The following RALGAPA2 variants were observed in gnomAD, a reference collection of about 807,000 sequenced individuals.
The protein encoded by RALGAPA2 is Ral GTPase activating protein catalytic subunit alpha 2, also known as ral GTPase-activating protein subunit alpha-2.
RALGAPA2 carries 139 observed loss-of-function variants against 230.4 expected under a neutral mutation model. That is an observed-to-expected ratio of 0.60 (90% CI 0.53 to 0.69). RALGAPA2 has a LOEUF of 0.69. RALGAPA2 is among the 30% of genes least tolerant of loss of function. The probability of loss-of-function intolerance (pLI) is 0.00; values close to 1 mark genes in which losing one functional copy is unlikely to be tolerated. For synonymous variants in RALGAPA2, 847 were observed against 837.8 expected, an observed-to-expected ratio of 1.01 and a Z score of -0.19; for missense variants, 2,163 against 2,276.0, an observed-to-expected ratio of 0.95 and a Z score of 1.01.
chr20:20,503,614 C>A (rs911370102), intron 34 of RALGAPA2, 108 bp from the exon 35 acceptor site: 4 of 910,928 alleles, frequency 4.4e-6, no homozygotes, highest in Non-Finnish European at 5.9e-6. Flanking sequence ...GTTTTTATAT[C>A]TTTCTTTCTG....
intron 16 of RALGAPA2, among the ~76,000 whole-genome samples, chr20:20,599,455 T>C (rs975332339): frequency 6.6e-6 from 1 of 152,212 alleles, no homozygotes; most frequent in African/African-American, 2.4e-5. Context: ...GTCAAATAAA[T>C]ATTGGAGGAA....
chr20:20,520,784 C>A, intron 31 of RALGAPA2, 133 bp downstream of exon 31: 1 of 641,422 alleles, frequency 1.6e-6, no homozygotes, highest in East Asian at 3.2e-5. Flanking sequence ...GCAGAATTTG[C>A]CATCACAGAG....
rs191290849 is a variant in RALGAPA2, at chr20:20,518,527, A to G, written c.4084+2390T>C. On this transcript the variant is annotated intron_variant, in intron 31 of 39. Transcript: ENST00000202677. ...CCGCTTGGCAAGGACGTGCACACCA[A>G]TATGTTTTTAAGCATCTTGCCTATT... Among the ~76,000 whole-genome samples, 649 of 152,276 alleles carry G rather than the reference A, an allele frequency of 4.3e-3. 5 individuals are homozygous for G. Among genetic ancestry groups the G allele is most frequent in the African/African-American group, 0.015 (622 of 41,548 alleles).
intron 1 of RALGAPA2, among the ~76,000 whole-genome samples, chr20:20,701,719 G>T (rs1030052577): frequency 6.6e-6 from 1 of 151,300 alleles, no homozygotes; most frequent in East Asian, 2.0e-4. Flanking sequence ...GACAGAGCAG[G>T]ACTTCATCTC....
At chr20:20,486,188 T>G (rs2061905251) in intron 36 of RALGAPA2, among the ~76,000 whole-genome samples, 2 of 151,960 alleles carry the variant, frequency 1.3e-5, no homozygotes, top group Admixed American at 6.6e-5. Context: ...ATTTCTTCCT[T>G]CTCTAAAGCT....
intron 31 of RALGAPA2, among the ~76,000 whole-genome samples, chr20:20,517,105 C>A (rs1466715675): frequency 6.6e-6 from 1 of 152,140 alleles, no homozygotes; most frequent in Non-Finnish European, 1.5e-5. Context: ...CATGAATGTA[C>A]CTACAGATAG....
At chr20:20,581,985 G>A (rs1352342776) in intron 20 of RALGAPA2, among the ~76,000 whole-genome samples, 1 of 152,070 alleles carries the variant, frequency 6.6e-6, no homozygotes, top group African/African-American at 2.4e-5. Flanking sequence ...ATCCATAAAA[G>A]TCTTGGCTCT....
chr20:20,488,048 C>CAA (rs1331486971), intron 36 of RALGAPA2, among the ~76,000 whole-genome samples: 1 of 152,124 alleles, frequency 6.6e-6, no homozygotes, highest in East Asian at 1.9e-4. Context: ...TGCCAAAATC[C>CAA]AAGCATACTT....
intron 31 of RALGAPA2, 147 bp from the exon 32 acceptor site, chr20:20,513,431 G>A (rs2062775641): frequency 3.6e-6 from 2 of 560,562 alleles, no homozygotes; most frequent in Non-Finnish European, 5.4e-6. Flanking sequence ...GAAATAGCAA[G>A]ATAGTGCAAA....
chr20:20,666,754 A>C (rs1319454473), intron 3 of RALGAPA2, among the ~76,000 whole-genome samples: 1 of 152,242 alleles, frequency 6.6e-6, no homozygotes, highest in Non-Finnish European at 1.5e-5. Context: ...AGGAATCGTT[A>C]CTTAATCCTG....
chr20:20,482,269 C>T (rs1046566549), intron 36 of RALGAPA2, among the ~76,000 whole-genome samples: 1 of 152,008 alleles, frequency 6.6e-6, no homozygotes, highest in African/African-American at 2.4e-5. Context: ...ATGAACAAGT[C>T]GAGGCTCTGA....
At chr20:20,458,776 A>ACC (rs2061210763) in intron 37 of RALGAPA2, among the ~76,000 whole-genome samples, 77 of 8,022 alleles carry the variant, frequency 9.6e-3, no homozygotes, top group African/African-American at 0.019. Context: ...ATATAGACCT[A>ACC]TATATATATA....
intron 37 of RALGAPA2, 74 bp downstream of exon 37, chr20:20,472,755 C>T: frequency 2.0e-6 from 3 of 1,515,686 alleles, no homozygotes; most frequent in Non-Finnish European, 2.7e-6. Context: ...TGAATACTTA[C>T]CTCTTATGAA....
chr20:20,395,786 G>A (rs2059702214), intron 39 of RALGAPA2, among the ~76,000 whole-genome samples: 1 of 152,186 alleles, frequency 6.6e-6, no homozygotes, highest in African/African-American at 2.4e-5. Context: ...GAGGGTGAAG[G>A]TTTGGATAAA....
intron 37 of RALGAPA2, 56 bp from the exon 38 acceptor site, chr20:20,412,204 G>A: frequency 6.2e-7 from 1 of 1,600,596 alleles, no homozygotes; most frequent in Non-Finnish European, 8.5e-7. Flanking sequence ...GCAGAGCAGT[G>A]ACAGAATTCA....
chr20:20,635,609 G>A lies in RALGAPA2; in HGVS notation c.814C>T (p.His272Tyr), dbSNP rs2066832450. Residue 272 changes from histidine to tyrosine, a missense_variant, in exon 9 of 40, where the codon CAT (histidine) becomes TAT (tyrosine). Transcript: ENST00000202677. ...NIYKPVLDIP[H>Y]LRPKPVYITT... ...ATGTACACAGGCTTTGGTCTCAAAT[G>A]GGGGATGTCTGGTAGAAGAAAGAAC... 2 of 1,542,106 alleles carry A rather than the reference G, an allele frequency of 1.3e-6. No individual in the cohort carries two copies. Among genetic ancestry groups the A allele is most frequent in the South Asian group, 1.3e-5 (1 of 79,488 alleles).
chr20:20,573,640 C>T (rs2064722589), intron 20 of RALGAPA2, among the ~76,000 whole-genome samples: 1 of 152,176 alleles, frequency 6.6e-6, no homozygotes, highest in Non-Finnish European at 1.5e-5. Flanking sequence ...GCAACTACTG[C>T]TTTGTTCTCT....
At chr20:20,569,766 G>T (rs1192976189) in intron 23 of RALGAPA2, among the ~76,000 whole-genome samples, 3 of 152,078 alleles carry the variant, frequency 2.0e-5, no homozygotes, top group African/African-American at 7.2e-5. Flanking sequence ...ACTCATTTAT[G>T]TGACTTTCTA....
chr20:20,637,346 G>T lies in RALGAPA2; in HGVS notation c.805+17C>A. ...TTCCTTTGGATATCCTCTATACACG[G>T]CTCCAACAGTACTTACCAAGTACAG... On this transcript the variant is annotated intron_variant, in intron 8 of 39. Transcript: ENST00000202677. The T allele has an allele frequency of 6.3e-7, 1 of 1,579,056 alleles. No homozygotes were observed. The highest frequency in any genetic ancestry group is 8.6e-7 in the Non-Finnish European group (1 of 1,161,662).
Sources: gnomAD v4.1 joint callset for allele counts (sites outside exome capture counted in the v4.1 genomes callset) on GRCh38, gnomAD v4.1.1 for gene constraint, MANE v1.5 for transcripts, NCBI Gene and HGNC (gene_info 2026-07-23, HGNC 2026-07-21) for gene names.